The following RAB21 variants were observed in gnomAD, a reference collection of about 807,000 sequenced individuals.
RAB21 encodes the protein RAB21, member RAS oncogene family, also known as ras-related protein Rab-21.
A neutral mutation model predicts 33.1 loss-of-function variants in RAB21; 13 were observed. The ratio of observed to expected loss-of-function variants is 0.39; its 90% CI spans 0.26 to 0.62. The LOEUF (loss-of-function observed/expected upper bound fraction) is 0.62. Ranked by LOEUF, RAB21 falls within the 20% of genes least tolerant of loss-of-function variation. RAB21 has a pLI of 0.48. For missense variants in RAB21, 234 were observed against 279.1 expected, an observed-to-expected ratio of 0.84 and a Z score of 1.15; for synonymous variants, 91 against 103.7, an observed-to-expected ratio of 0.88 and a Z score of 0.74.
In RAB21 at chr12:71,793,460, T is replaced by TA. The variant is rs1424169925; in HGVS notation, c.*7790dup. 6.6e-6 allele frequency: 1 copy of TA among 152,216 alleles called. No homozygotes were observed. The highest frequency in any genetic ancestry group is 2.4e-5 in the African/African-American group (1 of 41,456). 9.4% of individuals were successfully genotyped at this position (152,216 alleles called of 1,614,324 possible). ...GGATATTTTTGATATTACAATATAA[T>TA]AAAGTTAAATCATCTAGTCCTCCTG... On this transcript the variant is annotated 3_prime_UTR_variant, in exon 7 of 7. Transcript: ENST00000261263.
At position 71,792,151 on chromosome 12, in the gene RAB21, C is replaced by T. The variant is rs549753228; in HGVS notation, c.*6478C>T. On this transcript the variant is annotated 3_prime_UTR_variant, in exon 7 of 7. Coordinates refer to ENST00000261263, the MANE Select transcript of RAB21 (RefSeq NM_014999.4). The stretch of plus-strand genomic sequence containing the variant: ...CCTCTCAAAGTACTAGGATAACAGT[C>T]ATGAGCCACCATGCCCACCCTAGAA... The T allele has an allele frequency of 6.6e-6, 1 of 152,232 alleles. No individual in the cohort carries two copies. Among genetic ancestry groups the T allele is most frequent in the East Asian group, 1.9e-4 (1 of 5,182 alleles). The allele number at this position is 152,232 out of a possible 1,614,324, so 9.4% of individuals were successfully genotyped here.
intron 1 of RAB21, among the ~76,000 whole-genome samples, chr12:71,761,043 T>TA (rs879464307): frequency 0.046 from 6,421 of 139,400 alleles, 403 homozygotes; most frequent in African/African-American, 0.13. Context: ...CATCTCTAGT[T>TA]AAAAAAAAAA....
chr12:71,781,429 A>G (rs948613752), intron 4 of RAB21, among the ~76,000 whole-genome samples: 2 of 151,778 alleles, frequency 1.3e-5, no homozygotes, highest in South Asian at 4.2e-4. Flanking sequence ...AGATGGCGCC[A>G]CTGCACTCCA....
chr12:71,776,493 T>C (rs1037684390), intron 4 of RAB21, among the ~76,000 whole-genome samples: 3 of 152,154 alleles, frequency 2.0e-5, no homozygotes, highest in African/African-American at 7.2e-5. Flanking sequence ...TATAAGACGT[T>C]TTAGGAATAT....
chr12:71,764,194 C>T (rs570271888), intron 1 of RAB21, among the ~76,000 whole-genome samples: 5 of 152,160 alleles, frequency 3.3e-5, no homozygotes, highest in East Asian at 1.9e-4. Flanking sequence ...CTTGGAAGTA[C>T]GTGGGAATTG....
At chr12:71,780,857 A>G (rs1883187542) in intron 4 of RAB21, among the ~76,000 whole-genome samples, 1 of 152,192 alleles carries the variant, frequency 6.6e-6, no homozygotes. Flanking sequence ...CCTTATTTAT[A>G]AGATTTCTCT....
chr12:71,762,115 C>T (rs1882881157), intron 1 of RAB21, among the ~76,000 whole-genome samples: 1 of 152,056 alleles, frequency 6.6e-6, no homozygotes, highest in African/African-American at 2.4e-5. Flanking sequence ...GTGAATGTGG[C>T]CACAAATTTC....
chr12:71,765,051 G>T (rs773829090), intron 1 of RAB21, among the ~76,000 whole-genome samples: 1 of 152,114 alleles, frequency 6.6e-6, no homozygotes, highest in Non-Finnish European at 1.5e-5. Context: ...TTTCTTTAGT[G>T]GTTGTTCTAG....
chr12:71,762,695 G>C (rs1282673780), intron 1 of RAB21, among the ~76,000 whole-genome samples: 4 of 151,976 alleles, frequency 2.6e-5, no homozygotes, highest in Non-Finnish European at 5.9e-5. Flanking sequence ...CAATTCTCCT[G>C]CCTCAGCCTC....
chr12:71,768,882 C>T (rs994999075), intron 1 of RAB21, among the ~76,000 whole-genome samples: 1 of 152,134 alleles, frequency 6.6e-6, no homozygotes, highest in African/African-American at 2.4e-5. Flanking sequence ...TGTTAATGTG[C>T]ATTGTTGGTG....
At position 71,789,807 on chromosome 12, in the gene RAB21, T is replaced by A. The variant is rs948307348; in HGVS notation, c.*4134T>A. ...CTATAACAGAGTAATATATTTGGTGTTCTGGACCAAAATTCGTGCTACACA... is the reference window on the plus strand; with the variant it reads ...CTATAACAGAGTAATATATTTGGTGATCTGGACCAAAATTCGTGCTACACA... On this transcript the variant is annotated 3_prime_UTR_variant, in exon 7 of 7. Transcript: ENST00000261263. The A allele has an allele frequency of 6.6e-6, 1 of 152,164 alleles. No homozygotes were observed. Among genetic ancestry groups the A allele is most frequent in the Non-Finnish European group, 1.5e-5 (1 of 67,982 alleles). The allele number at this position is 152,164 out of a possible 1,614,324, so 9.4% of individuals were successfully genotyped here. A position where few individuals can be genotyped will look rare whatever the true frequency, so the allele number is the denominator to read the frequency against.
chr12:71,772,194 G>A (rs929702574), intron 3 of RAB21, among the ~76,000 whole-genome samples: 3 of 152,164 alleles, frequency 2.0e-5, no homozygotes, highest in African/African-American at 7.2e-5. Flanking sequence ...TATCCAAGAA[G>A]GCCTAGTTCT....
In RAB21 at chr12:71,795,449, AG is replaced by A. The variant is rs2137668365; in HGVS notation, c.*9779del. On this transcript the variant is annotated 3_prime_UTR_variant, in exon 7 of 7. Coordinates refer to ENST00000261263, the MANE Select transcript of RAB21 (RefSeq NM_014999.4). ...ATTTAAAGTCAGCTTAAACATCATT[AG>A]GGAAGACTATGACTGTTTCTATGAC... is the stretch of plus-strand genomic sequence containing the variant. 7.2e-6 allele frequency: 1 copy of A among 139,794 alleles called. No individual in the cohort carries two copies. Among genetic ancestry groups the A allele is most frequent in the Non-Finnish European group, 1.5e-5 (1 of 66,346 alleles). 8.7% of individuals were successfully genotyped at this position (139,794 alleles called of 1,614,324 possible).
At chr12:71,780,082 G>T (rs1883175873) in intron 4 of RAB21, among the ~76,000 whole-genome samples, 3 of 152,106 alleles carry the variant, frequency 2.0e-5, no homozygotes, top group South Asian at 2.1e-4. Flanking sequence ...AGGTTATTAA[G>T]ATAGCTATTT....
rs1883512980 is a variant in RAB21, at chr12:71,799,723, T to A, written c.*14050T>A. 1 of 152,218 alleles carries A rather than the reference T, an allele frequency of 6.6e-6. No homozygotes were observed. The highest frequency in any genetic ancestry group is 1.5e-5 in the Non-Finnish European group (1 of 68,034). The allele number at this position is 152,218 out of a possible 1,614,324, so 9.4% of individuals were successfully genotyped here. A position where few individuals can be genotyped will look rare whatever the true frequency, so the allele number is the denominator to read the frequency against. On this transcript the variant is annotated 3_prime_UTR_variant, in exon 7 of 7. Transcript: ENST00000261263. Reference sequence around the variant, plus strand: ...AGCCAGGGCAGAACAGTCTGTATACTGTATATTTTAAAATTGAACAAGTAT... The same window carrying A: ...AGCCAGGGCAGAACAGTCTGTATACAGTATATTTTAAAATTGAACAAGTAT...
intron 4 of RAB21, among the ~76,000 whole-genome samples, chr12:71,776,713 A>T (rs913532083): frequency 2.9e-5 from 4 of 139,850 alleles, no homozygotes; most frequent in African/African-American, 1.1e-4. Context: ...TCTCCCGTTT[A>T]AAAAAAAAAA....
intron 1 of RAB21, among the ~76,000 whole-genome samples, chr12:71,757,757 T>TA (rs1168423433): frequency 1.3e-5 from 2 of 152,332 alleles, no homozygotes; most frequent in Non-Finnish European, 2.9e-5. Context: ...TGTCAGAAGA[T>TA]ATGAGAGGAA....
intron 4 of RAB21, among the ~76,000 whole-genome samples, chr12:71,779,056 G>A (rs1052556264): frequency 2.6e-5 from 4 of 152,168 alleles, no homozygotes; most frequent in African/African-American, 7.2e-5. Context: ...TGAGCATATA[G>A]TATATGCTAG....
Position 71,798,406 on chromosome 12 carries a change from T to C in RAB21, c.*12733T>C, listed in dbSNP as rs926666592. The C allele has an allele frequency of 6.6e-6, 1 of 152,056 alleles. No individual in the cohort carries two copies. Among genetic ancestry groups the C allele is most frequent in the African/African-American group, 2.4e-5 (1 of 41,412 alleles). 9.4% of individuals were successfully genotyped at this position (152,056 alleles called of 1,614,324 possible). A position where few individuals can be genotyped will look rare whatever the true frequency, so the allele number is the denominator to read the frequency against. ...AACATATAACAATAAATTATATCAC[T>C]ATATAAAATAAATTCCTCACAGCAA... is the stretch of plus-strand genomic sequence containing the variant. On this transcript the variant is annotated 3_prime_UTR_variant, in exon 7 of 7. Coordinates refer to ENST00000261263, the MANE Select transcript of RAB21 (RefSeq NM_014999.4).
Sources: gnomAD v4.1 joint callset for allele counts (sites outside exome capture counted in the v4.1 genomes callset) on GRCh38, gnomAD v4.1.1 for gene constraint, MANE v1.5 for transcripts, NCBI Gene and HGNC (gene_info 2026-07-23, HGNC 2026-07-21) for gene names.